The following CERT1 variants were observed in gnomAD, a reference collection of about 807,000 sequenced individuals.
CERT1 encodes the protein ceramide transfer protein.
A neutral mutation model predicts 87.9 loss-of-function variants in CERT1; 31 were observed. That is an observed-to-expected ratio of 0.35 (90% CI 0.27 to 0.48). The LOEUF is 0.48. CERT1 is among the 20% of genes least tolerant of loss of function. The pLI is 0.99. For synonymous variants in CERT1, 289 were observed against 250.9 expected (o/e 1.15, Z -1.44); for missense variants, 487 against 758.0 (o/e 0.64, Z 4.20).
At chr5:75,511,978 G>C (rs1768045859), upstream of CERT1, 3 of 630,388 alleles carry the variant, frequency 4.8e-6, no homozygotes, top group Non-Finnish European at 8.2e-6. Context: ...GGTGGGCTTC[G>C]TTTGACAGTT....
At chr5:75,414,759 C>T in intron 7 of CERT1, among the ~76,000 whole-genome samples, 1 of 152,084 alleles carries the variant, frequency 6.6e-6, no homozygotes, top group East Asian at 1.9e-4. Flanking sequence ...ATAATATAGA[C>T]AATTCTATTA....
intron 2 of CERT1, among the ~76,000 whole-genome samples, chr5:75,482,879 T>C (rs1480785755): frequency 6.6e-6 from 1 of 152,192 alleles, no homozygotes; most frequent in Non-Finnish European, 1.5e-5. Context: ...CAACAGTCAG[T>C]TCCCATTGAA....
chr5:75,403,581 A>G (rs1043269930), intron 8 of CERT1, among the ~76,000 whole-genome samples: 12 of 152,222 alleles, frequency 7.9e-5, no homozygotes, highest in African/African-American at 2.7e-4. Flanking sequence ...AATTGCAATG[A>G]GGTAAGTAAA....
At chr5:75,408,431 A>G (rs1322992775) in intron 8 of CERT1, among the ~76,000 whole-genome samples, 5 of 152,208 alleles carry the variant, frequency 3.3e-5, no homozygotes, top group Admixed American at 6.5e-5. Flanking sequence ...AGTTACAGAA[A>G]TAACTCTCTT....
intron 2 of CERT1, among the ~76,000 whole-genome samples, chr5:75,499,516 T>C (rs1256605208): frequency 6.6e-6 from 1 of 152,172 alleles, no homozygotes; most frequent in Non-Finnish European, 1.5e-5. Context: ...GCCATGATTG[T>C]AAGTTTCCTG....
chr5:75,509,612 C>A (rs1465527894), intron 1 of CERT1, among the ~76,000 whole-genome samples: 1 of 151,980 alleles, frequency 6.6e-6, no homozygotes, highest in Non-Finnish European at 1.5e-5. Context: ...CTTTTTCCCC[C>A]GGTCACTCCA....
chr5:75,442,648 T>C (rs1764369781), intron 3 of CERT1, among the ~76,000 whole-genome samples: 1 of 152,178 alleles, frequency 6.6e-6, no homozygotes, highest in South Asian at 2.1e-4. Context: ...TAGTCAGTAG[T>C]ACAGTAATCC....
intron 2 of CERT1, among the ~76,000 whole-genome samples, chr5:75,481,946 T>C (rs1018516816): frequency 6.6e-6 from 1 of 152,224 alleles, no homozygotes; most frequent in African/African-American, 2.4e-5. Context: ...AATAATGGGA[T>C]GTCAGAGATC....
chr5:75,511,937 GCTTGTCCCCTTGGGGC>G (rs1411698859), upstream of CERT1: 4 of 1,021,640 alleles, frequency 3.9e-6, no homozygotes, highest in East Asian at 1.1e-4. Flanking sequence ...CGCGGGGATC[GCTTGTCCCCTTGGGGC>G]CTTGTCAGTC....
At chr5:75,375,516 G>T (rs1357907309), downstream of CERT1, 2 of 151,248 alleles carry the variant, frequency 1.3e-5, no homozygotes, top group African/African-American at 4.9e-5. Context: ...GAGAAGTTGA[G>T]GCTGCAGTGA....
chr5:75,439,004 A>G (rs1207315589), intron 3 of CERT1, among the ~76,000 whole-genome samples: 1 of 151,840 alleles, frequency 6.6e-6, no homozygotes, highest in East Asian at 1.9e-4. Context: ...GAGGTCAGTA[A>G]TATTTTTCGA....
chr5:75,491,391 A>C (rs1267478512), intron 2 of CERT1, among the ~76,000 whole-genome samples: 1 of 152,054 alleles, frequency 6.6e-6, no homozygotes, highest in Non-Finnish European at 1.5e-5. Flanking sequence ...AGACATTCAG[A>C]AGTGTGTCTC....
At chr5:75,466,630 G>A (rs1193960235) in intron 2 of CERT1, among the ~76,000 whole-genome samples, 1 of 152,158 alleles carries the variant, frequency 6.6e-6, no homozygotes, top group Non-Finnish European at 1.5e-5. Flanking sequence ...CATTAGCTAG[G>A]TGGCCCTTTC....
In CERT1 at chr5:75,499,654, G is replaced by T. The variant is rs1180658916; in HGVS notation, c.231+6328C>A. ...TACACACAGTTAAGGTCTGAACCCA[G>T]ATTTGACTTCACGGCCCATGCACAA... On this transcript the variant is annotated intron_variant, in intron 2 of 16. Transcript: ENST00000643780. Among the ~76,000 whole-genome samples the T allele has an allele frequency of 2.0e-5, 3 of 152,196 alleles. No individual in the cohort carries two copies. The East Asian group carries it at 5.8e-4, about 29-fold the overall frequency.
At chr5:75,460,339 A>G (rs1561279107) in intron 2 of CERT1, among the ~76,000 whole-genome samples, 1 of 152,192 alleles carries the variant, frequency 6.6e-6, no homozygotes. Context: ...GATAGTAACA[A>G]CCAGGAGCAC....
chr5:75,487,979 T>C (rs1165603241), intron 2 of CERT1, among the ~76,000 whole-genome samples: 1 of 152,036 alleles, frequency 6.6e-6, no homozygotes, highest in Non-Finnish European at 1.5e-5. Flanking sequence ...TGCATGTTCT[T>C]ACTAATTTGT....
chr5:75,385,606 TG>T (rs1761755028), intron 13 of CERT1, among the ~76,000 whole-genome samples: 1 of 152,366 alleles, frequency 6.6e-6, no homozygotes, highest in Admixed American at 6.5e-5. Flanking sequence ...ATATAGCTCT[TG>T]TTGCCTTTGA....
intron 5 of CERT1, chr5:75,425,125 A>G: frequency 2.5e-6 from 1 of 400,908 alleles, no homozygotes; most frequent in Non-Finnish European, 4.4e-6. Context: ...CTCAACAAAA[A>G]AGTAAATAAA....
chr5:75,402,820 T>C, intron 9 of CERT1, 152 bp downstream of exon 9: 1 of 510,714 alleles, frequency 2.0e-6, no homozygotes, highest in Non-Finnish European at 3.5e-6. Context: ...AAAAAGATTA[T>C]TTTACATTTG....
Sources: allele counts gnomAD v4.1 joint callset (sites outside exome capture counted in the v4.1 genomes callset), GRCh38; gene constraint gnomAD v4.1.1; transcripts MANE v1.5; gene names NCBI Gene and HGNC (gene_info 2026-07-23, HGNC 2026-07-21).